Variants in HIRA observed in about 807,000 individuals in gnomAD.
HIRA encodes the protein protein HIRA.
In HIRA, 13 loss-of-function variants were observed where a neutral mutation model predicts 126.6. That is an observed-to-expected ratio of 0.10 (90% CI 0.07 to 0.16). HIRA has a LOEUF of 0.16. Ranked by LOEUF, HIRA falls within the 10% of genes least tolerant of loss-of-function variation. HIRA has a pLI of 1.00. For missense variants in HIRA, 834 were observed against 1,314.4 expected (o/e 0.63, Z 5.65); for synonymous variants, 511 against 520.0 (o/e 0.98, Z 0.24).
At chr22:19,363,244 C>CAA (rs1031726527) in intron 15 of HIRA, among the ~76,000 whole-genome samples, 3 of 147,004 alleles carry the variant, frequency 2.0e-5, no homozygotes, top group African/African-American at 7.5e-5. Context: ...AAAAAAAAAA[C>CAA]AAAAAAAACA....
chr22:19,423,989 T>C (rs2089469561), intron 1 of HIRA, among the ~76,000 whole-genome samples: 1 of 152,282 alleles, frequency 6.6e-6, no homozygotes, highest in African/African-American at 2.4e-5. Context: ...AGAAGTTTAT[T>C]TGCAGTACAT....
chr22:19,379,096 C>G, intron 13 of HIRA, among the ~76,000 whole-genome samples: 1 of 151,440 alleles, frequency 6.6e-6, no homozygotes, highest in East Asian at 2.0e-4. Flanking sequence ...GGCGCGATCT[C>G]GCCTCACTGC....
intron 24 of HIRA, chr22:19,350,951 A>G (rs1556010706): frequency 5.6e-6 from 1 of 178,344 alleles, no homozygotes; most frequent in East Asian, 1.9e-4. Context: ...CTCTCATCTG[A>G]AGACCCTGCT....
intron 1 of HIRA, among the ~76,000 whole-genome samples, chr22:19,426,195 A>C (rs946148827): frequency 1.3e-5 from 2 of 152,114 alleles, no homozygotes; most frequent in Non-Finnish European, 2.9e-5. Flanking sequence ...CACCAAGACT[A>C]GAAATTCCTA....
chr22:19,417,678 T>C (rs2089410504), intron 1 of HIRA, among the ~76,000 whole-genome samples: 1 of 152,130 alleles, frequency 6.6e-6, no homozygotes, highest in South Asian at 2.1e-4. Context: ...GAAATAAGTG[T>C]TGATGAGGGT....
chr22:19,344,488 T>A (rs2088665363), intron 24 of HIRA, among the ~76,000 whole-genome samples: 1 of 152,180 alleles, frequency 6.6e-6, no homozygotes, highest in South Asian at 2.1e-4. Flanking sequence ...GGATCTCTAA[T>A]GAGCAAGAAA....
At chr22:19,355,924 A>G in intron 20 of HIRA, 59 bp from the exon 21 acceptor site, 1 of 1,209,872 alleles carries the variant, frequency 8.3e-7, no homozygotes. Flanking sequence ...GTTTTCAAAC[A>G]TATCAAAGGA....
Position 19,407,245 on chromosome 22 carries a change from T to C in HIRA, c.241A>G (p.Ser81Gly), listed in dbSNP as rs752588142. The part of the protein sequence containing the change: ...ACVNCVRWSN[S>G]GMYLASGGDD... ...CCCCCAGAAGCTAAATACATCCCACTGTTTGACCACCGCACACAGTTCACA... is the reference window on the plus strand; with the variant it reads ...CCCCCAGAAGCTAAATACATCCCACCGTTTGACCACCGCACACAGTTCACA... The change falls in exon 4 of 25, where the codon AGT becomes GGT. Residue 81 changes from serine (S) to glycine (G), a missense_variant. Coordinates refer to ENST00000263208, the MANE Select transcript of HIRA (RefSeq NM_003325.4). 10 of 1,613,834 alleles carry C rather than the reference T, an allele frequency of 6.2e-6. No individual in the cohort carries two copies. Among genetic ancestry groups the C allele is most frequent in the African/African-American group, 1.3e-5 (1 of 74,870 alleles).
Position 19,387,799 on chromosome 22 carries a change from C to T in HIRA, c.1025G>A (p.Gly342Asp). 1 of 1,613,006 alleles carries T rather than the reference C, an allele frequency of 6.2e-7. No homozygotes were observed. The highest frequency in any genetic ancestry group is 8.5e-7 in the Non-Finnish European group (1 of 1,179,564). Residue 342 changes from glycine (G) to aspartate (D), a missense_variant, in exon 11 of 25, where the codon GGC becomes GAC. By Grantham distance (94) the Gly-to-Asp change is moderately conservative (BLOSUM62 -1). Around this residue, in one of 5 missense-constraint regions of HIRA, gnomAD observed 153 missense variants for 270.6 expected, o/e 0.57. Transcript: ENST00000263208. Reference protein sequence around the residue: ...MDISWTLNGLGILVCSMDGSV... With the variant: ...MDISWTLNGLDILVCSMDGSV... ...GCCGTCCATAGAGCATACCAAGATG[C>T]CCAGCCCATTCAGAGTCCTGAAAGA... is the stretch of plus-strand genomic sequence containing the variant.
intron 15 of HIRA, among the ~76,000 whole-genome samples, chr22:19,364,909 A>G (rs1696581910): frequency 6.6e-6 from 1 of 152,218 alleles, no homozygotes; most frequent in Non-Finnish European, 1.5e-5. Context: ...GCAATGGAAA[A>G]GCTCTTAAAG....
chr22:19,332,117 T>G (rs553082381), intron 24 of HIRA, among the ~76,000 whole-genome samples: 1 of 152,288 alleles, frequency 6.6e-6, no homozygotes, highest in South Asian at 2.1e-4. Context: ...GGCACCACAG[T>G]CTGAAACAAG....
intron 5 of HIRA, among the ~76,000 whole-genome samples, chr22:19,401,528 C>T (rs563809393): frequency 6.6e-6 from 1 of 152,308 alleles, no homozygotes; most frequent in Admixed American, 6.5e-5. Flanking sequence ...ACAGTATGTC[C>T]ATTTACACTG....
intron 15 of HIRA, among the ~76,000 whole-genome samples, chr22:19,374,202 C>G (rs1204891287): frequency 6.6e-6 from 1 of 151,984 alleles, no homozygotes. Context: ...GGTGTTGTGG[C>G]AGGCGCCAGT....
chr22:19,396,545 T>A (rs1422575326), intron 7 of HIRA, among the ~76,000 whole-genome samples: 1 of 152,196 alleles, frequency 6.6e-6, no homozygotes, highest in Non-Finnish European at 1.5e-5. Context: ...AACAAAACTA[T>A]AAATCCCTTT....
At chr22:19,359,230 G>A in intron 18 of HIRA, 106 bp downstream of exon 18, 1 of 1,220,486 alleles carries the variant, frequency 8.2e-7, no homozygotes, top group South Asian at 1.8e-5. Flanking sequence ...CTCTGTGGGA[G>A]CTGGTGCTCC....
At chr22:19,392,656 G>A (rs2089192302) in intron 8 of HIRA, among the ~76,000 whole-genome samples, 1 of 152,204 alleles carries the variant, frequency 6.6e-6, no homozygotes, top group Non-Finnish European at 1.5e-5. Flanking sequence ...GGATGGGCAG[G>A]AGGGGTGTGA....
chr22:19,406,477 A>G (rs529738617), intron 4 of HIRA, among the ~76,000 whole-genome samples: 19 of 152,330 alleles, frequency 1.2e-4, no homozygotes, highest in Non-Finnish European at 2.4e-4. Context: ...AGGAGCATCA[A>G]TCACCTGGGG....
chr22:19,351,182 T>A lies in HIRA; in HGVS notation c.2937+176A>T. On this transcript the variant is annotated intron_variant, in intron 24 of 24. Coordinates refer to ENST00000263208, the MANE Select transcript of HIRA (RefSeq NM_003325.4). This position sits in a 1 kb window ranked among gnomAD's most constrained non-coding sequence, Gnocchi z 4.8. Reference sequence around the variant, plus strand: ...CTCCTGATGTCCAGGGCCCAGCTCCTGCCAGGTTGTGGAGGGCCGTCGGCA... The same window carrying A: ...CTCCTGATGTCCAGGGCCCAGCTCCAGCCAGGTTGTGGAGGGCCGTCGGCA... The A allele has an allele frequency of 1.0e-6, 1 of 985,398 alleles. No individual in the cohort carries two copies. Among genetic ancestry groups the A allele is most frequent in the Non-Finnish European group, 1.2e-6 (1 of 829,926 alleles). The allele number at this position is 985,398 out of a possible 1,614,324, so 61.0% of individuals were successfully genotyped here.
chr22:19,429,168 TCTCA>T (rs1409743477), intron 1 of HIRA, among the ~76,000 whole-genome samples: 4 of 119,856 alleles, frequency 3.3e-5, no homozygotes, highest in Non-Finnish European at 6.6e-5. Flanking sequence ...TGAGATGGAG[TCTCA>T]CTGTCATCAG....
Sources: allele counts gnomAD v4.1 joint callset (sites outside exome capture counted in the v4.1 genomes callset), GRCh38; gene constraint gnomAD v4.1.1; regional missense constraint gnomAD v4.1.1; non-coding constraint Gnocchi (gnomAD v3.1); transcripts MANE v1.5; gene names NCBI Gene and HGNC (gene_info 2026-07-23, HGNC 2026-07-21).